The following ZNF800 variants were observed in gnomAD, a reference collection of about 807,000 sequenced individuals.
ZNF800 encodes the protein zinc finger protein 800.
ZNF800 carries 13 observed loss-of-function variants against 59.5 expected under a neutral mutation model. That is an observed-to-expected ratio of 0.22 (90% CI 0.14 to 0.35). The LOEUF (loss-of-function observed/expected upper bound fraction) is 0.35. Ranked by LOEUF, ZNF800 falls within the 10% of genes least tolerant of loss-of-function variation. The probability of loss-of-function intolerance (pLI) is 1.00; values close to 1 mark genes in which losing one functional copy is unlikely to be tolerated. For missense variants in ZNF800, 621 were observed against 783.7 expected (o/e 0.79, Z 2.48); for synonymous variants, 266 against 265.7 (o/e 1.00, Z -0.01).
downstream of ZNF800, among the ~76,000 whole-genome samples, chr7:127,367,789 T>C (rs1347952787): frequency 6.6e-6 from 1 of 152,116 alleles, no homozygotes; most frequent in Non-Finnish European, 1.5e-5. Flanking sequence ...TTGGTATACA[T>C]GAAAATGTGC....
rs1181408145 is a variant in ZNF800, at chr7:127,391,478, C to T, written c.61+19G>A. ...GCTCTGATGGAGGGCAAAGCAACTG[C>T]GGACGAAGAGGGGTCTACCTGGTTC... On this transcript the variant is annotated intron_variant, in intron 2 of 5. Transcript: ENST00000265827. 2 of 1,613,604 alleles carry T rather than the reference C, an allele frequency of 1.2e-6. No individual in the cohort carries two copies. Among genetic ancestry groups the T allele is most frequent in the Non-Finnish European group, 1.7e-6 (2 of 1,179,716 alleles).
intron 2 of ZNF800, among the ~76,000 whole-genome samples, chr7:127,388,491 T>A (rs530161916): frequency 6.6e-6 from 1 of 152,190 alleles, no homozygotes; most frequent in African/African-American, 2.4e-5. Flanking sequence ...TCTGCCTCTA[T>A]CAGTTACAAG....
chr7:127,384,480 C>A (rs980702129), intron 3 of ZNF800, among the ~76,000 whole-genome samples: 2 of 151,634 alleles, frequency 1.3e-5, no homozygotes, highest in African/African-American at 4.8e-5. Context: ...GTGATCTGCC[C>A]GCCTCGGCCT....
At chr7:127,360,239 G>C (rs1315183463) in intron 1 of ZNF800, 1 of 152,100 alleles carries the variant, frequency 6.6e-6, no homozygotes, top group Non-Finnish European at 1.5e-5. Flanking sequence ...GATAGATGTG[G>C]AGTCAGCCAA....
rs191819281 is a variant in ZNF800, at chr7:127,372,894, T to G, written c.1994+448A>C. ...CAATAATTACAGTGCCTCAAAAGAT[T>G]TTTTCCTATAGTTATCGCCTTCACA... is the stretch of plus-strand genomic sequence containing the variant. On this transcript the variant is annotated intron_variant, in intron 5 of 5. Transcript: ENST00000265827. 1,428 of 985,218 alleles carry G rather than the reference T, an allele frequency of 1.4e-3. 13 individuals carry two copies. The African/African-American group carries it at 0.023, about 16-fold the overall frequency. 61.0% of individuals were successfully genotyped at this position (985,218 alleles called of 1,614,324 possible). A position where few individuals can be genotyped will look rare whatever the true frequency, so the allele number is the denominator to read the frequency against.
At position 127,377,308 on chromosome 7, in the gene ZNF800, A is replaced by C; in HGVS notation, c.179T>G (p.Ile60Ser). 6.2e-7 allele frequency: 1 copy of C among 1,608,168 alleles called. No individual in the cohort carries two copies. The highest frequency in any genetic ancestry group is 8.5e-7 in the Non-Finnish European group (1 of 1,176,444). The change falls in exon 4 of 6, where the codon ATT becomes AGT. Residue 60 changes from isoleucine to serine, a missense_variant. Physicochemically the swap from Ile to Ser is moderately radical, Grantham distance 142. Transcript: ENST00000265827. The surrounding 1 kb of genome is among the most constrained non-coding windows in gnomAD (Gnocchi z 4.7). ...AATAGTGTCCACATCTTTTAATAAA[A>C]TATGCTTAAGTTGTTTAGTTCCTGA... Reference protein sequence around the residue: ...FRSGTKQLKHILLKDVDTIFE... With the variant: ...FRSGTKQLKHSLLKDVDTIFE...
At chr7:127,355,562 A>G (rs540851310) in intron 1 of ZNF800, among the ~76,000 whole-genome samples, 31 of 152,076 alleles carry the variant, frequency 2.0e-4, no homozygotes, top group Non-Finnish European at 3.1e-4. Flanking sequence ...AAGACTTTGA[A>G]GTCTACGTAA....
At chr7:127,372,348 C>T (rs943196744) in intron 5 of ZNF800, among the ~76,000 whole-genome samples, 1 of 151,770 alleles carries the variant, frequency 6.6e-6, no homozygotes, top group Non-Finnish European at 1.5e-5. Context: ...GGTGTGGTGG[C>T]TTATGCCTGT....
At chr7:127,387,917 A>AACAC (rs141731563) in intron 2 of ZNF800, among the ~76,000 whole-genome samples, 10,787 of 147,736 alleles carry the variant, frequency 0.073, 548 homozygotes, top group African/African-American at 0.14. Flanking sequence ...ATTAATTAAG[A>AACAC]ACACACACAC....
chr7:127,373,767 A>G lies in ZNF800; in HGVS notation c.1569T>C (p.Leu523=). ...GTTTCCGACGAGTTTCATAAGTGCA[A>G]AGAGGACACTTGTAGAATTTAACAT... is the stretch of plus-strand genomic sequence containing the variant. ...NIYVKFYKCP[L]CTYETRRKRD... is the part of the protein sequence containing the mutation. Residue 523 remains leucine, a synonymous_variant, in exon 5 of 6, where the codon CTT becomes CTC. Coordinates refer to ENST00000265827, the MANE Select transcript of ZNF800 (RefSeq NM_176814.5). The G allele has an allele frequency of 6.2e-7, 1 of 1,614,162 alleles. No homozygotes were observed. The highest frequency in any genetic ancestry group is 8.5e-7 in the Non-Finnish European group (1 of 1,180,020).
intron 1 of ZNF800, chr7:127,362,022 CT>C (rs1193587335): frequency 2.0e-5 from 3 of 152,030 alleles, no homozygotes; most frequent in African/African-American, 7.2e-5. Context: ...AGTGAAGGCC[CT>C]ATAAAAGATA....
rs934001256 is a variant in ZNF800, at chr7:127,370,656, C to A, written c.*1158G>T. 7.2e-5 allele frequency: 11 copies of A among 152,404 alleles called. No homozygotes were observed. Among genetic ancestry groups the A allele is most frequent in the Non-Finnish European group, 1.2e-4 (8 of 67,966 alleles). The allele number at this position is 152,404 out of a possible 1,614,324, so 9.4% of individuals were successfully genotyped here. On this transcript the variant is annotated 3_prime_UTR_variant, in exon 6 of 6. Transcript: ENST00000265827. ...AAAACATGGTATATTTTCTGCTGTA[C>A]CTTTTATAATTATAATTTGACACAA...
intron 1 of ZNF800, among the ~76,000 whole-genome samples, chr7:127,354,010 A>G (rs1800221433): frequency 6.6e-6 from 1 of 152,150 alleles, no homozygotes; most frequent in South Asian, 2.1e-4. Context: ...AATTTAGAAA[A>G]TGAAACAAAC....
Position 127,377,144 on chromosome 7 carries a change from T to G in ZNF800, c.301+42A>C. On this transcript the variant is annotated intron_variant, in intron 4 of 5. Coordinates refer to ENST00000265827, the MANE Select transcript of ZNF800 (RefSeq NM_176814.5). The surrounding 1 kb of genome is among the most constrained non-coding windows in gnomAD (Gnocchi z 4.7). ...ATGTATACTTGCAGTATAAGAATAC[T>G]TAGCTGTAAAATGCATAACTGAGTA... 1 of 1,549,186 alleles carries G rather than the reference T, an allele frequency of 6.5e-7. No individual in the cohort carries two copies. Among genetic ancestry groups the G allele is most frequent in the South Asian group, 1.2e-5 (1 of 81,772 alleles).
At chr7:127,365,845 G>C, downstream of ZNF800, among the ~76,000 whole-genome samples, 1 of 152,072 alleles carries the variant, frequency 6.6e-6, no homozygotes, top group East Asian at 1.9e-4. Flanking sequence ...ACATCAAATG[G>C]CAAAGCAAGA....
At chr7:127,359,481 GAAATT>G (rs1222129689) in intron 1 of ZNF800, among the ~76,000 whole-genome samples, 1 of 148,280 alleles carries the variant, frequency 6.7e-6, no homozygotes, top group Non-Finnish European at 1.5e-5. Flanking sequence ...TTTAAGTAAA[GAAATT>G]AAAGTTATTT....
intron 1 of ZNF800, chr7:127,363,655 G>A (rs1157431668): frequency 6.6e-6 from 1 of 151,580 alleles, no homozygotes; most frequent in Non-Finnish European, 1.5e-5. Context: ...CTGATGTGAG[G>A]CATTAAGATT....
rs150638505 is a variant in ZNF800, at chr7:127,377,934, G to A, written c.158-605C>T. Among the ~76,000 whole-genome samples the A allele has an allele frequency of 2.3e-4, 35 of 151,966 alleles. No individual in the cohort carries two copies. Among genetic ancestry groups the A allele is most frequent in the African/African-American group, 7.2e-4 (30 of 41,518 alleles). Reference sequence around the variant, plus strand: ...ATGGCTATTTAGCGTGATTCTCTACGAAGTAGAGAATCTTTGTCTATACTG... The same window carrying A: ...ATGGCTATTTAGCGTGATTCTCTACAAAGTAGAGAATCTTTGTCTATACTG... On this transcript the variant is annotated intron_variant, in intron 3 of 5. Transcript: ENST00000265827. The surrounding 1 kb of genome is among the most constrained non-coding windows in gnomAD (Gnocchi z 4.7).
At chr7:127,349,101 T>C (rs917627579) in intron 1 of ZNF800, among the ~76,000 whole-genome samples, 4 of 152,176 alleles carry the variant, frequency 2.6e-5, no homozygotes, top group African/African-American at 9.6e-5. Flanking sequence ...AAATGTAATT[T>C]GATTTGTAAT....
Sources: gnomAD v4.1 joint callset for allele counts (sites outside exome capture counted in the v4.1 genomes callset) on GRCh38, gnomAD v4.1.1 for gene constraint, Gnocchi (gnomAD v3.1) non-coding constraint, MANE v1.5 for transcripts, NCBI Gene and HGNC (gene_info 2026-07-23, HGNC 2026-07-21) for gene names.